Variants in PHF3 observed in about 807,000 individuals in gnomAD.
PHF3 encodes the protein PHD finger protein 3.
Under a neutral mutation model 178.4 loss-of-function variants are expected in PHF3, and 41 were observed. The ratio of observed to expected loss-of-function variants is 0.23; its 90% CI spans 0.18 to 0.30. The LOEUF is 0.30. Among genes scored for constraint, PHF3 ranks in the 10% least tolerant of loss-of-function variants. The pLI, the probability that PHF3 is intolerant of heterozygous loss-of-function variation, is 1.00. For synonymous variants in PHF3, 842 were observed against 800.5 expected, an observed-to-expected ratio of 1.05 and a Z score of -0.88; for missense variants, 2,346 against 2,398.1, an observed-to-expected ratio of 0.98 and a Z score of 0.45.
chr6:63,668,257 A>G (rs1054234832), intron 2 of PHF3, among the ~76,000 whole-genome samples: 1 of 152,226 alleles, frequency 6.6e-6, no homozygotes, highest in African/African-American at 2.4e-5. Flanking sequence ...AGTTGGAGGA[A>G]TGATCTTTCA....
intron 1 of PHF3, among the ~76,000 whole-genome samples, chr6:63,640,137 C>G (rs1172158876): frequency 6.6e-6 from 1 of 152,152 alleles, no homozygotes; most frequent in African/African-American, 2.4e-5. Flanking sequence ...CCAATAGATT[C>G]TAACTAACGA....
rs1764803749 is a variant in PHF3, at chr6:63,646,805, ACT to A, written c.244+11_244+12del. On this transcript the variant is annotated intron_variant, in intron 2 of 15. Transcript: ENST00000262043. Reference sequence around the variant, plus strand: ...ATGCCTTGTTCAACAGGTAATTCTTACTTTTTTTTTTTTTTTTTTTTTTAGTC... The same window carrying A: ...ATGCCTTGTTCAACAGGTAATTCTTATTTTTTTTTTTTTTTTTTTTTAGTC... 18 of 1,102,214 alleles carry A rather than the reference ACT, an allele frequency of 1.6e-5. No homozygotes were observed. Among genetic ancestry groups the A allele is most frequent in the East Asian group, 7.3e-5 (2 of 27,504 alleles). The allele number at this position is 1,102,214 out of a possible 1,614,324, so 68.3% of individuals were successfully genotyped here. A position where few individuals can be genotyped will look rare whatever the true frequency, so the allele number is the denominator to read the frequency against.
intron 2 of PHF3, among the ~76,000 whole-genome samples, chr6:63,676,233 C>A (rs1251380989): frequency 6.6e-6 from 1 of 152,156 alleles, no homozygotes; most frequent in Admixed American, 6.5e-5. Context: ...CTACTATACA[C>A]AAGGTTGTTA....
rs369242405 is a variant in PHF3 at position 63,706,716 on chromosome 6, T to C, written c.3564-13T>C. Reference sequence around the variant, plus strand: ...ATCAGCTTGTCTTTAGGCTTTTTAATGTCATTTTCTAGTCCAGAGATGCCT... The same window carrying C: ...ATCAGCTTGTCTTTAGGCTTTTTAACGTCATTTTCTAGTCCAGAGATGCCT... On this transcript the variant is annotated splice_polypyrimidine_tract_variant and intron_variant, in intron 12 of 15. Transcript: ENST00000262043. The C allele has an allele frequency of 1.7e-5, 28 of 1,611,268 alleles. No homozygotes were observed. The highest frequency in any genetic ancestry group is 2.4e-5 in the Non-Finnish European group (28 of 1,178,752).
chr6:63,692,958 C>T (rs528065737), intron 5 of PHF3, among the ~76,000 whole-genome samples: 33 of 152,282 alleles, frequency 2.2e-4, no homozygotes, highest in East Asian at 3.9e-4. Flanking sequence ...AGAATCTTAC[C>T]TATTAACAAA....
chr6:63,674,296 G>GTA (rs377238562), intron 2 of PHF3, among the ~76,000 whole-genome samples: 160 of 148,200 alleles, frequency 1.1e-3, no homozygotes, highest in East Asian at 1.8e-3. Flanking sequence ...ATATGTGTGT[G>GTA]TATATATACA....
chr6:63,698,865 T>TA (rs1172159421), intron 8 of PHF3, among the ~76,000 whole-genome samples: 1 of 152,178 alleles, frequency 6.6e-6, no homozygotes, highest in Admixed American at 6.5e-5. Flanking sequence ...CTTTATATAA[T>TA]ACAATTTATT....
intron 2 of PHF3, among the ~76,000 whole-genome samples, chr6:63,669,443 T>C (rs1765815267): frequency 6.6e-6 from 1 of 152,230 alleles, no homozygotes; most frequent in Non-Finnish European, 1.5e-5. Flanking sequence ...TTTCTCGTCT[T>C]TTTATAATAC....
Position 63,721,217 on chromosome 6 carries a change from CAG to C in PHF3, c.*7510_*7511del, listed in dbSNP as rs1288194606. ...ACCTTCCCACCCAACCCAAAGTACACAGGCAACTGTAAGAAAATGATTGGTCA... is the reference window on the plus strand; with the variant it reads ...ACCTTCCCACCCAACCCAAAGTACACGCAACTGTAAGAAAATGATTGGTCA... On this transcript the variant is annotated 3_prime_UTR_variant, in exon 16 of 16. Coordinates refer to ENST00000262043, the MANE Select transcript of PHF3 (RefSeq NM_001370348.2). 1 of 1,551,700 alleles carries C rather than the reference CAG, an allele frequency of 6.4e-7. No homozygotes were observed. Among genetic ancestry groups the C allele is most frequent in the Non-Finnish European group, 8.7e-7 (1 of 1,146,926 alleles).
intron 11 of PHF3, among the ~76,000 whole-genome samples, chr6:63,705,732 A>T (rs964786436): frequency 1.3e-5 from 2 of 152,212 alleles, no homozygotes; most frequent in Non-Finnish European, 2.9e-5. Flanking sequence ...TTAAGGGGAA[A>T]TTAACTTTAT....
intron 2 of PHF3, among the ~76,000 whole-genome samples, chr6:63,676,327 G>C (rs1020072173): frequency 6.6e-6 from 1 of 152,208 alleles, no homozygotes; most frequent in African/African-American, 2.4e-5. Context: ...AAGACTGTCA[G>C]ATACTTAATG....
rs1393065652 is a variant in PHF3, at chr6:63,716,758, A to G, written c.*3050A>G. On this transcript the variant is annotated 3_prime_UTR_variant, in exon 16 of 16. Coordinates refer to ENST00000262043, the MANE Select transcript of PHF3 (RefSeq NM_001370348.2). ...GATCCCTTCCTCCATATTTGAAGCC[A>G]GCAGTGTGGGACCCAGTCTTTCTCT... Among the ~76,000 whole-genome samples the G allele has an allele frequency of 6.6e-6, 1 of 151,774 alleles. No homozygotes were observed. Among genetic ancestry groups the G allele is most frequent in the Non-Finnish European group, 1.5e-5 (1 of 67,910 alleles).
In PHF3 at chr6:63,722,398, A is replaced by T. The variant is rs947618206; in HGVS notation, c.*8690A>T. ...CTTGATTTCCCAGAGCTGGTCAGGA[A>T]TTTTTTTCTGTCAGTGCCTTAATAT... On this transcript the variant is annotated 3_prime_UTR_variant, in exon 16 of 16. Coordinates refer to ENST00000262043, the MANE Select transcript of PHF3 (RefSeq NM_001370348.2). Among the ~76,000 whole-genome samples, 3 of 152,080 alleles carry T rather than the reference A, an allele frequency of 2.0e-5. No homozygotes were observed. Among genetic ancestry groups the T allele is most frequent in the Non-Finnish European group, 4.4e-5 (3 of 68,000 alleles).
At chr6:63,672,706 C>T (rs72884662) in intron 2 of PHF3, among the ~76,000 whole-genome samples, 1,933 of 152,200 alleles carry the variant, frequency 0.013, 17 homozygotes, top group Non-Finnish European at 0.02. Context: ...ATATTTGAGT[C>T]CTTGTGGATG....
intron 2 of PHF3, among the ~76,000 whole-genome samples, chr6:63,667,539 A>G (rs1383350086): frequency 6.6e-6 from 1 of 152,218 alleles, no homozygotes; most frequent in Non-Finnish European, 1.5e-5. Context: ...CTTATATATA[A>G]CAATACCATA....
At chr6:63,676,258 G>A (rs543597944) in intron 2 of PHF3, among the ~76,000 whole-genome samples, 1 of 152,260 alleles carries the variant, frequency 6.6e-6, no homozygotes. Flanking sequence ...AGGTTCTGGG[G>A]ATTCAGCCAC....
rs1582075329 is a variant in PHF3 at position 63,685,415 on chromosome 6, G to A, written c.1693G>A (p.Val565Ile). 6.2e-6 allele frequency: 10 copies of A among 1,613,928 alleles called. No homozygotes were observed. Among genetic ancestry groups the A allele is most frequent in the East Asian group, 2.2e-5 (1 of 44,866 alleles). ...AAAGATTCAGAGTTGCAATTCTGGG[G>A]TTAAATCTGTGAAAAACCAAGCTCA... Reference protein sequence around the residue: ...EPKIQSCNSGVKSVKNQAHSV... With the variant: ...EPKIQSCNSGIKSVKNQAHSV... Residue 565 changes from valine (V) to isoleucine (I), a missense_variant, in exon 4 of 16, where the codon GTT becomes ATT. Val to Ile is a conservative substitution (Grantham distance 29). Coordinates refer to ENST00000262043, the MANE Select transcript of PHF3 (RefSeq NM_001370348.2).
rs748256513 is a variant in PHF3, at chr6:63,713,819, T to C, written c.*111T>C. 143 of 874,090 alleles carry C rather than the reference T, an allele frequency of 1.6e-4. 1 individual carries two copies. Among genetic ancestry groups the C allele is most frequent in the Non-Finnish European group, 2.3e-4 (135 of 581,784 alleles). 54.1% of individuals were successfully genotyped at this position (874,090 alleles called of 1,614,324 possible). On this transcript the variant is annotated 3_prime_UTR_variant, in exon 16 of 16. Transcript: ENST00000262043. The stretch of plus-strand genomic sequence containing the variant: ...TGTGCCATCTTTAAAATTTTTACTA[T>C]TGGTCATTTGCAGAACAGTAAATTC...
intron 2 of PHF3, among the ~76,000 whole-genome samples, chr6:63,647,871 G>A (rs1764856706): frequency 6.6e-6 from 1 of 152,126 alleles, no homozygotes; most frequent in African/African-American, 2.4e-5. Context: ...ATTCCCTAGA[G>A]TAAATAGTTC....
Sources: allele counts gnomAD v4.1 joint callset (sites outside exome capture counted in the v4.1 genomes callset), GRCh38; gene constraint gnomAD v4.1.1; transcripts MANE v1.5; gene names NCBI Gene and HGNC (gene_info 2026-07-23, HGNC 2026-07-21).